Variants in QSER1 observed in about 807,000 individuals in gnomAD.
QSER1 encodes glutamine and serine rich 1, also known as glutamine and serine-rich protein 1.
QSER1 carries 49 observed loss-of-function variants against 158.5 expected under a neutral mutation model. The ratio of observed to expected loss-of-function variants is 0.31; its 90% CI spans 0.25 to 0.39. The LOEUF is 0.39. QSER1 is among the 10% of genes least tolerant of loss of function. QSER1 has a pLI of 1.00. For synonymous variants in QSER1, 650 were observed against 715.5 expected, an observed-to-expected ratio of 0.91 and a Z score of 1.46; for missense variants, 1,754 against 2,010.3, an observed-to-expected ratio of 0.87 and a Z score of 2.44.
chr11:32,940,002 T>C (rs2133559874), intron 4 of QSER1, among the ~76,000 whole-genome samples: 1 of 151,316 alleles, frequency 6.6e-6, no homozygotes, highest in East Asian at 1.9e-4. Context: ...GACATAATTC[T>C]CTGCAACTGG....
intron 1 of QSER1, among the ~76,000 whole-genome samples, chr11:32,920,239 A>G (rs934657363): frequency 2.0e-5 from 3 of 152,228 alleles, no homozygotes; most frequent in Non-Finnish European, 2.9e-5. Flanking sequence ...TTTTAAAAGC[A>G]TATAAAATCG....
At position 32,933,537 on chromosome 11, in the gene QSER1, A is replaced by T; in HGVS notation, c.2279A>T (p.Lys760Ile). 6.2e-7 allele frequency: 1 copy of T among 1,613,434 alleles called. No individual in the cohort carries two copies. The highest frequency in any genetic ancestry group is 1.3e-5 in the African/African-American group (1 of 75,012). ...GGGGTTGCTCTGCAAGCATCAAAAAAAGAAGAAAGTGTTGTTGGTTCAGTG... is the reference window on the plus strand; with the variant it reads ...GGGGTTGCTCTGCAAGCATCAAAAATAGAAGAAAGTGTTGTTGGTTCAGTG... Reference protein sequence around the residue: ...VIGVALQASKKEESVVGSVTQ... With the variant: ...VIGVALQASKIEESVVGSVTQ... The change falls in exon 4 of 13, where the codon AAA becomes ATA. Residue 760 changes from lysine (K) to isoleucine (I), a missense_variant. Physicochemically the swap from Lys to Ile is moderately radical, Grantham distance 102. This residue lies in a region of QSER1 where 1,707 missense variants were observed against 1,919.6 expected (regional missense o/e 0.89). Transcript: ENST00000650167.
chr11:32,974,880 C>T (rs1477789945), intron 11 of QSER1, among the ~76,000 whole-genome samples: 2 of 152,110 alleles, frequency 1.3e-5, no homozygotes, highest in African/African-American at 2.4e-5. Flanking sequence ...TATTAACATA[C>T]ATGTTATACC....
intron 10 of QSER1, 132 bp from the exon 11 acceptor site, chr11:32,973,265 G>A (rs1852904470): frequency 1.2e-6 from 1 of 859,140 alleles, no homozygotes. Flanking sequence ...CTGCAAATAG[G>A]TGTTTGTGTG....
chr11:32,953,499 A>T (rs1180276267), intron 4 of QSER1, among the ~76,000 whole-genome samples: 1 of 152,086 alleles, frequency 6.6e-6, no homozygotes, highest in Non-Finnish European at 1.5e-5. Context: ...GACTACAGGC[A>T]CACAACACTA....
At chr11:32,941,500 C>T (rs1056149365) in intron 4 of QSER1, among the ~76,000 whole-genome samples, 156 of 150,664 alleles carry the variant, frequency 1.0e-3, no homozygotes, top group African/African-American at 2.5e-3. Context: ...TTTGTTCTTG[C>T]GATAGTTTAC....
At chr11:32,960,336 C>T (rs1246556051) in intron 8 of QSER1, among the ~76,000 whole-genome samples, 4 of 152,092 alleles carry the variant, frequency 2.6e-5, no homozygotes, top group Non-Finnish European at 5.9e-5. Context: ...GAGGGTGGAT[C>T]GCCTGATGTC....
At chr11:32,956,527 A>G (rs1852515386) in intron 7 of QSER1, among the ~76,000 whole-genome samples, 1 of 152,206 alleles carries the variant, frequency 6.6e-6, no homozygotes, top group African/African-American at 2.4e-5. Context: ...TATAAGAACT[A>G]CATTACTGTA....
chr11:32,972,054 C>T (rs1306791591), intron 10 of QSER1, among the ~76,000 whole-genome samples: 1 of 143,550 alleles, frequency 7.0e-6, no homozygotes. Flanking sequence ...CAGAGCAAGA[C>T]TCCATCTCAA....
chr11:32,955,044 T>G (rs1590178653), intron 5 of QSER1, among the ~76,000 whole-genome samples: 1 of 152,218 alleles, frequency 6.6e-6, no homozygotes, highest in East Asian at 1.9e-4. Context: ...CAGAAAACTT[T>G]CCAATAGTTT....
At chr11:32,911,497 T>C (rs894213808) in intron 1 of QSER1, among the ~76,000 whole-genome samples, 4 of 152,222 alleles carry the variant, frequency 2.6e-5, no homozygotes, top group Non-Finnish European at 5.9e-5. Flanking sequence ...TATGATATGG[T>C]TTGGCTCTGT....
Position 32,933,740 on chromosome 11 carries a change from A to G in QSER1, c.2482A>G (p.Ile828Val), listed in dbSNP as rs201803519. ...GGTCCAGGAACAGCACGATCAAATA[A>G]TTAATGCTTCATCTCAGATTCAAAT... Reference protein sequence around the residue: ...SKVQEQHDQIINASSQIQIPN... With the variant: ...SKVQEQHDQIVNASSQIQIPN... The change falls in exon 4 of 13, where the codon ATT becomes GTT. Residue 828 changes from isoleucine (I) to valine (V), a missense_variant. Around this residue, in one of 2 missense-constraint regions of QSER1, gnomAD observed 1,707 missense variants for 1,919.6 expected, o/e 0.89. Transcript: ENST00000650167. The G allele has an allele frequency of 1.1e-4, 172 of 1,613,908 alleles. No homozygotes were observed. The highest frequency in any genetic ancestry group is 1.4e-4 in the Non-Finnish European group (160 of 1,179,968).
intron 1 of QSER1, among the ~76,000 whole-genome samples, chr11:32,912,022 A>G (rs2095104075): frequency 6.6e-6 from 1 of 152,168 alleles, no homozygotes; most frequent in South Asian, 2.1e-4. Flanking sequence ...GTGTCTCTAT[A>G]ATTTCTGCCC....
At chr11:32,954,235 A>T (rs1852474575) in intron 5 of QSER1, 56 bp downstream of exon 5, 2 of 1,550,306 alleles carry the variant, frequency 1.3e-6, no homozygotes, top group South Asian at 2.4e-5. Flanking sequence ...TGCCTGCGAT[A>T]GCCTTCATTA....
chr11:32,927,373 C>G (rs1198212668), intron 2 of QSER1, 104 bp downstream of exon 2: 1 of 152,622 alleles, frequency 6.6e-6, no homozygotes, highest in Non-Finnish European at 1.5e-5. Context: ...AGGACATACT[C>G]ATGCCATGGG....
intron 8 of QSER1, among the ~76,000 whole-genome samples, chr11:32,964,443 A>G (rs1018704914): frequency 6.6e-6 from 1 of 152,210 alleles, no homozygotes; most frequent in African/African-American, 2.4e-5. Flanking sequence ...GCAAATGGCA[A>G]TGCAGTGAAG....
chr11:32,932,384 G>C lies in QSER1; in HGVS notation c.1126G>C (p.Gly376Arg). 6.2e-7 allele frequency: 1 copy of C among 1,612,294 alleles called. No homozygotes were observed. Among genetic ancestry groups the C allele is most frequent in the East Asian group, 2.2e-5 (1 of 44,870 alleles). Residue 376 changes from glycine (G) to arginine (R), a missense_variant, in exon 4 of 13, where the codon GGA becomes CGA. By Grantham distance (125) the Gly-to-Arg change is moderately radical. Coordinates refer to ENST00000650167, the MANE Select transcript of QSER1 (RefSeq NM_001076786.3). ...PIGDSTQVSN[G>R]GLQQKTSQVS... ...TGGAGATTCCACTCAGGTGAGCAAC[G>C]GAGGATTACAACAGAAGACCTCCCA... is the stretch of plus-strand genomic sequence containing the variant.
chr11:32,909,406 C>G (rs181250814), intron 1 of QSER1, among the ~76,000 whole-genome samples: 1 of 151,676 alleles, frequency 6.6e-6, no homozygotes, highest in South Asian at 2.1e-4. Context: ...TGAGATTATT[C>G]AGCAGTTGGT....
intron 12 of QSER1, chr11:32,975,657 T>C (rs1236151292): frequency 1.0e-5 from 12 of 1,182,532 alleles, no homozygotes; most frequent in Non-Finnish European, 2.1e-6. Flanking sequence ...TGTATGATGA[T>C]CTTGCTTTAA....
Sources: gnomAD v4.1 joint callset for allele counts (sites outside exome capture counted in the v4.1 genomes callset) on GRCh38, gnomAD v4.1.1 for gene constraint, gnomAD v4.1.1 regional missense constraint, MANE v1.5 for transcripts, NCBI Gene and HGNC (gene_info 2026-07-23, HGNC 2026-07-21) for gene names.